NLGN4X: variants seen among roughly 807,000 people sequenced by gnomAD.
NLGN4X encodes the protein neuroligin-4, X-linked.
A neutral mutation model predicts 40.3 loss-of-function variants in NLGN4X; 3 were observed. The ratio of observed to expected loss-of-function variants is 0.07; its 90% CI spans 0.03 to 0.19. NLGN4X has a LOEUF of 0.19. Ranked by LOEUF, NLGN4X falls within the 10% of genes least tolerant of loss-of-function variation. The pLI is 1.00. For synonymous variants in NLGN4X, 270 were observed against 306.8 expected (o/e 0.88, Z 1.25); for missense variants, 382 against 708.3 (o/e 0.54, Z 5.23).
chrX:6,076,113 C>T (rs1394292898), intron 2 of NLGN4X, among the ~76,000 whole-genome samples: 1 of 111,758 alleles, frequency 8.9e-6, no homozygotes, highest in African/African-American at 3.3e-5. Context: ...ACTTGCCAGT[C>T]CTATATGCTA....
chrX:5,916,960 A>G (rs2032825643), intron 3 of NLGN4X, among the ~76,000 whole-genome samples: 1 of 112,517 alleles, frequency 8.9e-6, no homozygotes, highest in African/African-American at 3.2e-5. Flanking sequence ...CTGGGAATCC[A>G]AGGGTCATTC....
chrX:6,021,072 C>T (rs2036536853), intron 3 of NLGN4X, among the ~76,000 whole-genome samples: 1 of 34,564 alleles, frequency 2.9e-5, no homozygotes, highest in Admixed American at 3.4e-4. Context: ...CTCCCTCCCT[C>T]CCTCCCTCTC....
chrX:6,159,232 G>T (rs2040335568), intron 1 of NLGN4X, among the ~76,000 whole-genome samples: 1 of 111,484 alleles, frequency 9.0e-6, no homozygotes, highest in Non-Finnish European at 1.9e-5. Flanking sequence ...AATCTTGGGG[G>T]ATTAGATTTC....
intron 3 of NLGN4X, among the ~76,000 whole-genome samples, chrX:6,012,300 G>A (rs1265229516): frequency 8.9e-6 from 1 of 112,498 alleles, no homozygotes; most frequent in Non-Finnish European, 1.9e-5. Flanking sequence ...AACTGATGGA[G>A]AAGTTTTAAA....
chrX:5,947,964 A>G (rs1421436232), intron 3 of NLGN4X, among the ~76,000 whole-genome samples: 1 of 112,234 alleles, frequency 8.9e-6, no homozygotes, highest in Non-Finnish European at 1.9e-5. Flanking sequence ...AGGAAATGAT[A>G]TAAATATATA....
chrX:5,944,499 A>C (rs2034056893), intron 3 of NLGN4X, among the ~76,000 whole-genome samples: 1 of 109,245 alleles, frequency 9.2e-6, no homozygotes, highest in African/African-American at 3.3e-5. Context: ...AAAAATAAAA[A>C]GTAGCCTGAC....
intron 1 of NLGN4X, among the ~76,000 whole-genome samples, chrX:6,225,899 C>CCCA (rs369941000): frequency 0.079 from 6,655 of 84,044 alleles, 426 homozygotes; most frequent in African/African-American, 0.12. Flanking sequence ...CCGCCCCCCC[C>CCCA]AAAAAAAATG....
At chrX:6,166,560 C>T (rs1442443183) in intron 1 of NLGN4X, among the ~76,000 whole-genome samples, 2 of 111,925 alleles carry the variant, frequency 1.8e-5, no homozygotes, top group Non-Finnish European at 3.8e-5. Flanking sequence ...ACACATGTAG[C>T]GTGCACAGCT....
chrX:6,055,953 G>A (rs1013985008), intron 2 of NLGN4X, among the ~76,000 whole-genome samples: 7 of 111,763 alleles, frequency 6.3e-5, no homozygotes, highest in African/African-American at 2.3e-4. Flanking sequence ...TTGGTTTCCT[G>A]AACTTCATTT....
chrX:6,190,044 G>C (rs1922405648), intron 1 of NLGN4X, among the ~76,000 whole-genome samples: 1 of 108,161 alleles, frequency 9.2e-6, no homozygotes, highest in African/African-American at 3.4e-5. Flanking sequence ...ATAGCAAACA[G>C]CTGATCAATC....
At chrX:6,133,786 T>C (rs2039742353) in intron 2 of NLGN4X, among the ~76,000 whole-genome samples, 1 of 111,671 alleles carries the variant, frequency 9.0e-6, no homozygotes, top group African/African-American at 3.3e-5. Flanking sequence ...TTCATGTCTA[T>C]ATGGTAACTA....
chrX:6,169,180 G>A (rs2040555351), intron 1 of NLGN4X, among the ~76,000 whole-genome samples: 1 of 111,818 alleles, frequency 8.9e-6, no homozygotes, highest in South Asian at 3.7e-4. Flanking sequence ...ACAGACCAAA[G>A]GATAAGATCA....
chrX:6,012,663 T>C (rs182745740), intron 3 of NLGN4X, among the ~76,000 whole-genome samples: 308 of 111,624 alleles, frequency 2.8e-3, no homozygotes, highest in African/African-American at 9.6e-3. Flanking sequence ...GATAAAATTA[T>C]CCTGAATTGA....
chrX:6,103,189 G>A (rs1357920122), intron 2 of NLGN4X, among the ~76,000 whole-genome samples: 4 of 111,784 alleles, frequency 3.6e-5, no homozygotes, highest in African/African-American at 1.3e-4. Flanking sequence ...TACACTGGTG[G>A]CACTCATAAA....
intron 2 of NLGN4X, among the ~76,000 whole-genome samples, chrX:6,145,256 C>T: frequency 9.0e-6 from 1 of 111,559 alleles, no homozygotes; most frequent in Middle Eastern, 4.2e-3. Context: ...CTTTGTCCCT[C>T]ACTGGTGGTA....
rs560776004 is a variant in NLGN4X, at chrX:6,060,590, A to C, written c.473-31158T>G. ...ATGAATTCCCTTAAAGGCTCTGCTA[A>C]ATAGCACCTTCTTCTTCCTCTTCTA... On this transcript the variant is annotated intron_variant, in intron 2 of 5. Transcript: ENST00000381095. 1.7e-4 allele frequency among the ~76,000 whole-genome samples: 19 copies of C among 112,096 alleles called. No individual in the cohort carries two copies. In the South Asian group the frequency reaches 6.8e-3, roughly 40 times the overall value.
Position 5,987,174 on chromosome X carries a change from C to T in NLGN4X, c.625+42106G>A, listed in dbSNP as rs188249278. Among the ~76,000 whole-genome samples, 13 of 110,992 alleles carry T rather than the reference C, an allele frequency of 1.2e-4. No homozygotes were observed. In the East Asian group the frequency reaches 3.4e-3, roughly 29 times the overall value. On this transcript the variant is annotated intron_variant, in intron 3 of 5. Coordinates refer to ENST00000381095, the MANE Select transcript of NLGN4X (RefSeq NM_181332.3). Reference sequence around the variant, plus strand: ...AGTGGAATGGATGTATACACAGCAACACATATGAAATTTATAAAACAGTAT... The same window carrying T: ...AGTGGAATGGATGTATACACAGCAATACATATGAAATTTATAAAACAGTAT...
intron 3 of NLGN4X, among the ~76,000 whole-genome samples, chrX:5,978,767 G>A (rs138850558): frequency 2.1e-4 from 23 of 111,636 alleles, no homozygotes; most frequent in Non-Finnish European, 4.1e-4. Context: ...GTTGACTTAT[G>A]TATACAGTTA....
At chrX:5,925,964 A>G (rs2033301112) in intron 3 of NLGN4X, among the ~76,000 whole-genome samples, 1 of 88,516 alleles carries the variant, frequency 1.1e-5, no homozygotes, top group African/African-American at 3.9e-5. Flanking sequence ...AATCAGAGAT[A>G]ATTTCCTAGA....
Sources: allele counts gnomAD v4.1 joint callset (sites outside exome capture counted in the v4.1 genomes callset), GRCh38; gene constraint gnomAD v4.1.1; transcripts MANE v1.5; gene names NCBI Gene and HGNC (gene_info 2026-07-23, HGNC 2026-07-21).